CFAP54: variants seen among roughly 807,000 people sequenced by gnomAD.
CFAP54 encodes cilia and flagella associated protein 54, also known as cilia- and flagella-associated protein 54.
A neutral mutation model predicts 370.4 loss-of-function variants in CFAP54; 290 were observed. The observed-to-expected ratio is 0.78, with a 90% CI of 0.71 to 0.86. CFAP54 has a LOEUF of 0.86. CFAP54 is among the 40% of genes least tolerant of loss of function. The pLI is 0.00. For missense variants in CFAP54, 3,399 were observed against 3,528.7 expected, an observed-to-expected ratio of 0.96 and a Z score of 0.93; for synonymous variants, 1,206 against 1,236.5, an observed-to-expected ratio of 0.98 and a Z score of 0.52.
At chr12:96,724,943 C>G (rs1259893379) in intron 50 of CFAP54, among the ~76,000 whole-genome samples, 2 of 152,132 alleles carry the variant, frequency 1.3e-5, no homozygotes, top group East Asian at 3.8e-4. Context: ...ATCCTTTCCC[C>G]ATTGCTTGTT....
chr12:96,568,651 C>T (rs12582851), intron 19 of CFAP54, among the ~76,000 whole-genome samples: 9,371 of 152,140 alleles, frequency 0.062, 717 homozygotes, highest in African/African-American at 0.17. Context: ...GATCTTGTAA[C>T]AAAATTATCC....
rs370025338 is a variant in CFAP54 at position 96,573,862 on chromosome 12, G to A, written c.2620-2723G>A. On this transcript the variant is annotated intron_variant, in intron 19 of 67. Coordinates refer to ENST00000524981, the MANE Select transcript of CFAP54 (RefSeq NM_001306084.2). ...CCATGTAACACTTCCCTTCCCATAC[G>A]AAGGAATGGTTGTCTTTGCAGATGC... is the stretch of plus-strand genomic sequence containing the variant. Among the ~76,000 whole-genome samples the A allele has an allele frequency of 2.0e-5, 3 of 152,130 alleles. No individual in the cohort carries two copies. The South Asian group carries it at 6.2e-4, about 31-fold the overall frequency.
rs1187409236 is a variant in CFAP54 at position 96,519,002 on chromosome 12, A to T, written c.873A>T (p.Thr291=). 4 of 1,535,760 alleles carry T rather than the reference A, an allele frequency of 2.6e-6. No individual in the cohort carries two copies. Among genetic ancestry groups the T allele is most frequent in the Non-Finnish European group, 3.5e-6 (4 of 1,146,884 alleles). Residue 291 remains threonine, a synonymous_variant, in exon 6 of 68, where the codon ACA becomes ACT. Coordinates refer to ENST00000524981, the MANE Select transcript of CFAP54 (RefSeq NM_001306084.2). ...LVPLLSLRYL[T]WRATLYTAVC... is the part of the protein sequence containing the mutation. Reference sequence around the variant, plus strand: ...CGCTCCTGTCACTCAGGTACTTGACATGGCGCGCTACTCTCTACACAGCTG... The same window carrying T: ...CGCTCCTGTCACTCAGGTACTTGACTTGGCGCGCTACTCTCTACACAGCTG...
At chr12:96,841,089 C>T (rs1023136673) in intron 66 of CFAP54, among the ~76,000 whole-genome samples, 27 of 152,176 alleles carry the variant, frequency 1.8e-4, no homozygotes, top group Admixed American at 2.6e-4. Context: ...AGTAGCAGTT[C>T]CACTTTTGTT....
At chr12:96,782,966 TA>T (rs1958594937) in intron 60 of CFAP54, among the ~76,000 whole-genome samples, 1 of 152,198 alleles carries the variant, frequency 6.6e-6, no homozygotes, top group African/African-American at 2.4e-5. Context: ...TATATTCCTA[TA>T]CTGAAATACT....
chr12:96,564,532 T>C lies in CFAP54; in HGVS notation c.2475T>C (p.Ser825=). 1.4e-6 allele frequency: 1 copy of C among 698,156 alleles called. No individual in the cohort carries two copies. 43.2% of individuals were successfully genotyped at this position (698,156 alleles called of 1,614,324 possible). A position where few individuals can be genotyped will look rare whatever the true frequency, so the allele number is the denominator to read the frequency against. ...AGGGTCCGGAAAAGTTAAAACAATC[T>C]GGAAGCACTGATTGTTTTACAGGTA... ...STKGPEKLKQ[S]GSTDCFTELN... Residue 825 remains serine (S), a synonymous_variant, in exon 18 of 68, where the codon TCT becomes TCC. Coordinates refer to ENST00000524981, the MANE Select transcript of CFAP54 (RefSeq NM_001306084.2).
At chr12:96,555,262 A>G (rs1955739872) in intron 17 of CFAP54, among the ~76,000 whole-genome samples, 2 of 152,026 alleles carry the variant, frequency 1.3e-5, no homozygotes, top group South Asian at 4.1e-4. Flanking sequence ...TAAGAAAGTC[A>G]GAGATGAGTT....
At chr12:96,677,008 TTTTC>T (rs1463766296) in intron 39 of CFAP54, among the ~76,000 whole-genome samples, 3 of 31,226 alleles carry the variant, frequency 9.6e-5, no homozygotes, top group Non-Finnish European at 1.1e-4. Context: ...ATTTCTTTTC[TTTTC>T]TTTTTTTTGA....
intron 67 of CFAP54, among the ~76,000 whole-genome samples, chr12:96,870,579 G>A (rs556203702): frequency 2.2e-4 from 34 of 152,300 alleles, no homozygotes; most frequent in African/African-American, 8.2e-4. Flanking sequence ...TCAATAACAG[G>A]TAGCTCTTAC....
At chr12:96,715,555 A>T (rs1408702014) in intron 48 of CFAP54, among the ~76,000 whole-genome samples, 1 of 152,158 alleles carries the variant, frequency 6.6e-6, no homozygotes, top group African/African-American at 2.4e-5. Flanking sequence ...GTATTGCTGG[A>T]TTCATGATTC....
Position 96,811,375 on chromosome 12 carries a change from T to C in CFAP54, c.8851-361T>C, listed in dbSNP as rs369787435. Among the ~76,000 whole-genome samples the C allele has an allele frequency of 5.9e-5, 9 of 152,280 alleles. No homozygotes were observed. In the East Asian group the frequency reaches 1.7e-3, roughly 29 times the overall value. ...TCATAGAAATGACTATGCCCACTTATGGGAACGGTACACATTGAGAAGTAA... is the reference window on the plus strand; with the variant it reads ...TCATAGAAATGACTATGCCCACTTACGGGAACGGTACACATTGAGAAGTAA... On this transcript the variant is annotated intron_variant, in intron 63 of 67. Coordinates refer to ENST00000524981, the MANE Select transcript of CFAP54 (RefSeq NM_001306084.2).
rs369130904 is a variant in CFAP54 at position 96,656,300 on chromosome 12, TC to T, written c.5101-1573del. Reference sequence around the variant, plus strand: ...TTTAGGAGATCAATAGACAATTCTCTCCCCCCCCCTCCCCTTTTGGATTGGG... The same window carrying T: ...TTTAGGAGATCAATAGACAATTCTCTCCCCCCCCTCCCCTTTTGGATTGGG... On this transcript the variant is annotated intron_variant, in intron 36 of 67. Transcript: ENST00000524981. Among the ~76,000 whole-genome samples the T allele has an allele frequency of 7.0e-3, 1,052 of 149,856 alleles. 5 individuals are homozygous for T. The highest frequency in any genetic ancestry group is 0.018 in the African/African-American group (741 of 40,802).
chr12:96,838,512 G>T (rs1203034880), intron 66 of CFAP54, among the ~76,000 whole-genome samples: 1 of 152,084 alleles, frequency 6.6e-6, no homozygotes, highest in East Asian at 1.9e-4. Context: ...ATGGCAGAAG[G>T]GGAAGCAGGC....
At chr12:96,616,576 A>G (rs556823479) in intron 26 of CFAP54, among the ~76,000 whole-genome samples, 61 of 152,332 alleles carry the variant, frequency 4.0e-4, no homozygotes, top group African/African-American at 1.4e-3. Context: ...TTATGACAAG[A>G]CACTGTAAGG....
chr12:96,836,174 T>C (rs544512321), intron 66 of CFAP54, among the ~76,000 whole-genome samples: 108 of 152,240 alleles, frequency 7.1e-4, no homozygotes, highest in Non-Finnish European at 1.1e-3. Context: ...CACCCAGTGG[T>C]TTTAAGTTAT....
intron 1 of CFAP54, among the ~76,000 whole-genome samples, chr12:96,498,757 A>G (rs947070430): frequency 1.3e-5 from 2 of 152,366 alleles, no homozygotes; most frequent in South Asian, 4.1e-4. Context: ...GGCATGATCC[A>G]TGAAAGAAAG....
Position 96,717,638 on chromosome 12 carries a change from A to C in CFAP54, c.6725-805A>C, listed in dbSNP as rs149592446. Among the ~76,000 whole-genome samples the C allele has an allele frequency of 2.2e-4, 34 of 152,320 alleles. No individual in the cohort carries two copies. In the East Asian group the frequency reaches 6.0e-3, roughly 27 times the overall value. On this transcript the variant is annotated intron_variant, in intron 48 of 67. Coordinates refer to ENST00000524981, the MANE Select transcript of CFAP54 (RefSeq NM_001306084.2). ...TGTTCAGAATAAGAGCAGGCTTTGG[A>C]TCGTGGATGGAGATTTTGAAAGAGA...
At chr12:96,570,262 C>T (rs1450611186) in intron 19 of CFAP54, among the ~76,000 whole-genome samples, 1 of 151,914 alleles carries the variant, frequency 6.6e-6, no homozygotes, top group Admixed American at 6.6e-5. Context: ...GCATGAGCCA[C>T]TGTGCCCAGC....
At chr12:96,748,531 T>C (rs1353956125) in intron 55 of CFAP54, among the ~76,000 whole-genome samples, 2 of 152,184 alleles carry the variant, frequency 1.3e-5, no homozygotes. Flanking sequence ...TTTTAAGTGT[T>C]TTCCTCAGAT....
Sources: gnomAD v4.1 joint callset for allele counts (sites outside exome capture counted in the v4.1 genomes callset) on GRCh38, gnomAD v4.1.1 for gene constraint, MANE v1.5 for transcripts, NCBI Gene and HGNC (gene_info 2026-07-23, HGNC 2026-07-21) for gene names.